The following YIPF7 variants were observed in gnomAD, a reference collection of about 807,000 sequenced individuals.
YIPF7 encodes the protein Yip1 domain family member 7.
A neutral mutation model predicts 27.2 loss-of-function variants in YIPF7; 35 were observed. The observed-to-expected ratio is 1.29, with a 90% CI of 0.98 to 1.70. The LOEUF is 1.70. Ranked by LOEUF, YIPF7 falls within the 40% of genes most tolerant of loss-of-function variation. YIPF7 has a pLI of 0.00. For synonymous variants in YIPF7, 137 were observed against 110.4 expected, an observed-to-expected ratio of 1.24 and a Z score of -1.51; for missense variants, 358 against 303.7, an observed-to-expected ratio of 1.18 and a Z score of -1.33.
At position 44,660,836 on chromosome 4, in the gene YIPF7, A is replaced by C. The variant is rs1714027406; in HGVS notation, c.-171-218T>G. On this transcript the variant is annotated intron_variant, in intron 1 of 2. Transcript: ENST00000508947. ...GGGTCCCAGGCTTAGGATTTGAAGG[A>C]GAGTGAAAAATATGTTTTTGTAGGA... 2.0e-5 allele frequency among the ~76,000 whole-genome samples: 3 copies of C among 152,318 alleles called. No individual in the cohort carries two copies. The South Asian group carries it at 6.2e-4, about 32-fold the overall frequency.
intron 2 of YIPF7, among the ~76,000 whole-genome samples, chr4:44,646,397 G>T (rs1306675556): frequency 6.6e-6 from 1 of 152,100 alleles, no homozygotes; most frequent in Non-Finnish European, 1.5e-5. Flanking sequence ...AATACTAGAA[G>T]ATCAGGTCTG....
At chr4:44,657,106 T>G (rs940926377) in intron 2 of YIPF7, among the ~76,000 whole-genome samples, 33 of 152,180 alleles carry the variant, frequency 2.2e-4, no homozygotes, top group African/African-American at 7.7e-4. Flanking sequence ...TTGTGAAAAT[T>G]TTATTATGAT....
intron 2 of YIPF7, among the ~76,000 whole-genome samples, chr4:44,656,688 T>C (rs1216382072): frequency 1.3e-5 from 2 of 151,748 alleles, no homozygotes; most frequent in Non-Finnish European, 2.9e-5. Flanking sequence ...ATTCAACACA[T>C]ATTTTTTTCT....
intron 2 of YIPF7, among the ~76,000 whole-genome samples, chr4:44,647,487 A>G (rs1713568374): frequency 1.3e-5 from 2 of 152,196 alleles, no homozygotes; most frequent in South Asian, 4.1e-4. Flanking sequence ...GAGCTTAAAA[A>G]TCTTAGTAGA....
chr4:44,633,327 T>A (rs947837486), intron 3 of YIPF7, among the ~76,000 whole-genome samples: 5 of 152,140 alleles, frequency 3.3e-5, no homozygotes, highest in African/African-American at 1.2e-4. Context: ...TTGAAAGACA[T>A]GTTAGAGGAG....
rs1165684633 is a variant in YIPF7, at chr4:44,622,493, T to A, written c.692A>T (p.His231Leu). The A allele has an allele frequency of 2.5e-6, 4 of 1,613,938 alleles. No individual in the cohort carries two copies. The highest frequency in any genetic ancestry group is 3.4e-6 in the Non-Finnish European group (4 of 1,179,848). Residue 231 changes from histidine (H) to leucine (L), a missense_variant, in exon 6 of 6, where the codon CAC (histidine) becomes CTC (leucine). His to Leu is a moderately conservative substitution (Grantham distance 99, BLOSUM62 -3). Coordinates refer to ENST00000415895, the MANE Select transcript of YIPF7 (RefSeq NM_182592.3). ...AACAAGAAGCTGCTGTCCTTCCATG[T>A]GCAAGGCTGCAATGAAGATCTTGGA... ...SASKIFIAAL[H>L]MEGQQLLVAY...
chr4:44,628,407 T>A (rs1363517668), intron 4 of YIPF7, among the ~76,000 whole-genome samples: 1 of 152,184 alleles, frequency 6.6e-6, no homozygotes, highest in Non-Finnish European at 1.5e-5. Context: ...GAAAATTGTA[T>A]ATCCATTGGA....
At chr4:44,635,788 A>G (rs1253192015) in intron 3 of YIPF7, 134 bp downstream of exon 3, 9 of 1,083,718 alleles carry the variant, frequency 8.3e-6, no homozygotes, top group Non-Finnish European at 1.1e-5. Context: ...GTTTTGGTTC[A>G]GCAAACTCTT....
intron 2 of YIPF7, 106 bp from the exon 3 acceptor site, chr4:44,636,191 T>C: frequency 1.7e-6 from 2 of 1,179,524 alleles, no homozygotes; most frequent in Non-Finnish European, 1.1e-6. Flanking sequence ...TTTTTATGAG[T>C]ATTTACTCAT....
upstream of YIPF7, among the ~76,000 whole-genome samples, chr4:44,655,805 G>T (rs372156013): frequency 6.6e-6 from 1 of 151,822 alleles, no homozygotes; most frequent in Admixed American, 6.6e-5. Flanking sequence ...TTTAAAGACC[G>T]TGCTGCTTCT....
intron 5 of YIPF7, among the ~76,000 whole-genome samples, chr4:44,623,813 A>G (rs576904628): frequency 6.6e-6 from 1 of 152,306 alleles, no homozygotes; most frequent in South Asian, 2.1e-4. Context: ...AAGTTCTCCA[A>G]CATTAATATC....
chr4:44,643,772 T>C (rs1489523128), intron 2 of YIPF7, among the ~76,000 whole-genome samples: 2 of 152,134 alleles, frequency 1.3e-5, no homozygotes, highest in African/African-American at 4.8e-5. Flanking sequence ...CTTCAGAGGA[T>C]GCAAGCTATA....
At position 44,643,791 on chromosome 4, in the gene YIPF7, T is replaced by A. The variant is rs146796580; in HGVS notation, c.116+6194A>T. Among the ~76,000 whole-genome samples, 460 of 152,246 alleles carry A rather than the reference T, an allele frequency of 3.0e-3. 9 individuals carry two copies. The highest frequency in any genetic ancestry group is 7.8e-4 in the Non-Finnish European group (53 of 68,022). On this transcript the variant is annotated intron_variant, in intron 2 of 5. Transcript: ENST00000415895. ...AGAGGATGCAAGCTATAAGTCTTGG[T>A]GGCTTCTGCATAGTGTAAAGCCTGC...
upstream of YIPF7, among the ~76,000 whole-genome samples, chr4:44,655,740 C>T (rs1215148145): frequency 1.3e-5 from 2 of 151,902 alleles, no homozygotes; most frequent in African/African-American, 2.4e-5. Context: ...TATCAGTATT[C>T]TTTAAATGCT....
At chr4:44,639,716 C>A (rs1713262314) in intron 2 of YIPF7, among the ~76,000 whole-genome samples, 1 of 151,886 alleles carries the variant, frequency 6.6e-6, no homozygotes, top group African/African-American at 2.4e-5. Context: ...ATAAGATTTC[C>A]ACTACTATGT....
At chr4:44,639,327 T>C (rs1468100672) in intron 2 of YIPF7, among the ~76,000 whole-genome samples, 1 of 152,186 alleles carries the variant, frequency 6.6e-6, no homozygotes, top group African/African-American at 2.4e-5. Flanking sequence ...TCCATGAGCA[T>C]GAGATGTTTT....
chr4:44,624,823 G>A, intron 4 of YIPF7, 41 bp from the exon 5 acceptor site: 1 of 1,543,480 alleles, frequency 6.5e-7, no homozygotes, highest in Non-Finnish European at 8.8e-7. Flanking sequence ...ACACACAATG[G>A]ACACCGAGAG....
chr4:44,642,319 T>C (rs1378148028), intron 2 of YIPF7, among the ~76,000 whole-genome samples: 1 of 152,200 alleles, frequency 6.6e-6, no homozygotes, highest in African/African-American at 2.4e-5. Flanking sequence ...ACCACTTATT[T>C]AAGAAAGTAA....
intron 3 of YIPF7, among the ~76,000 whole-genome samples, chr4:44,633,144 C>G (rs1712980949): frequency 6.6e-6 from 1 of 152,158 alleles, no homozygotes; most frequent in Non-Finnish European, 1.5e-5. Context: ...GGAAGAGTTT[C>G]ATCTCAAAAT....
Sources: allele counts gnomAD v4.1 joint callset (sites outside exome capture counted in the v4.1 genomes callset), GRCh38; gene constraint gnomAD v4.1.1; transcripts MANE v1.5; gene names NCBI Gene and HGNC (gene_info 2026-07-23, HGNC 2026-07-21).